ALDH18A1: variants seen among roughly 807,000 people sequenced by gnomAD.
ALDH18A1 encodes delta-1-pyrroline-5-carboxylate synthase.
A neutral mutation model predicts 88.8 loss-of-function variants in ALDH18A1; 44 were observed. The observed-to-expected ratio is 0.50, with a 90% CI of 0.39 to 0.64. The LOEUF is 0.64. Among genes scored for constraint, ALDH18A1 ranks in the 30% least tolerant of loss-of-function variants. The pLI, the probability that ALDH18A1 is intolerant of heterozygous loss-of-function variation, is 0.00. For synonymous variants in ALDH18A1, 331 were observed against 372.1 expected (o/e 0.89, Z 1.27); for missense variants, 782 against 1,009.5 (o/e 0.77, Z 3.05).
intron 1 of ALDH18A1, among the ~76,000 whole-genome samples, chr10:95,654,840 C>T (rs1316870072): frequency 1.3e-5 from 2 of 151,962 alleles, no homozygotes; most frequent in African/African-American, 4.8e-5. Flanking sequence ...CAATTATTTA[C>T]ATGTGAATTC....
At chr10:95,655,232 C>T (rs1021778322) in intron 1 of ALDH18A1, among the ~76,000 whole-genome samples, 1 of 151,942 alleles carries the variant, frequency 6.6e-6, no homozygotes, top group Non-Finnish European at 1.5e-5. Context: ...TTTTCTAAGC[C>T]TCTGTTTCCT....
At chr10:95,617,196 G>A (rs542204134) in intron 12 of ALDH18A1, among the ~76,000 whole-genome samples, 1 of 152,230 alleles carries the variant, frequency 6.6e-6, no homozygotes, top group Non-Finnish European at 1.5e-5. Context: ...GCAGTCAGCC[G>A]AGATTGCACC....
At chr10:95,639,336 A>T (rs1258112007) in intron 3 of ALDH18A1, among the ~76,000 whole-genome samples, 1 of 151,974 alleles carries the variant, frequency 6.6e-6, no homozygotes, top group Non-Finnish European at 1.5e-5. Context: ...TCTCTAAAAT[A>T]AATAAAAAGA....
At chr10:95,639,976 G>C (rs1033678592) in intron 3 of ALDH18A1, among the ~76,000 whole-genome samples, 2 of 152,020 alleles carry the variant, frequency 1.3e-5, no homozygotes, top group African/African-American at 2.4e-5. Context: ...TGTTCATCAA[G>C]GGGATACATA....
Position 95,626,705 on chromosome 10 carries a change from G to C in ALDH18A1, c.1150C>G (p.Gln384Glu), listed in dbSNP as rs2097860884. The change falls in exon 10 of 18, where the codon CAG becomes GAG. Residue 384 changes from glutamine (Q) to glutamate (E), a missense_variant and splice_region_variant. This residue lies in a region of ALDH18A1 where 556 missense variants were observed against 654.5 expected (regional missense o/e 0.85). Coordinates refer to ENST00000371224, the MANE Select transcript of ALDH18A1 (RefSeq NM_002860.4). ...GRMLATLEPE[Q>E]RAEIIHHLAD... ...ATATTATCACCTAAGGTTATTACCT[G>C]CTCAGGTTCCAAGGTGGCCAACATC... The C allele has an allele frequency of 5.6e-6, 9 of 1,613,858 alleles. No individual in the cohort carries two copies. The highest frequency in any genetic ancestry group is 4.0e-5 in the African/African-American group (3 of 75,008).
chr10:95,636,183 C>T (rs1252001577), intron 5 of ALDH18A1, among the ~76,000 whole-genome samples: 3 of 152,176 alleles, frequency 2.0e-5, no homozygotes, highest in South Asian at 4.2e-4. Context: ...AGAAGCAAAA[C>T]CTGAAACAAT....
chr10:95,622,854 A>C (rs1163763416), intron 11 of ALDH18A1, among the ~76,000 whole-genome samples: 2 of 152,156 alleles, frequency 1.3e-5, no homozygotes, highest in African/African-American at 2.4e-5. Context: ...TTTTTAAAAA[A>C]CAGTAGTATG....
intron 11 of ALDH18A1, among the ~76,000 whole-genome samples, chr10:95,622,094 T>C (rs1480157101): frequency 1.3e-5 from 2 of 152,212 alleles, no homozygotes; most frequent in Non-Finnish European, 2.9e-5. Flanking sequence ...TTTTTTATAA[T>C]GAGTGAATTA....
Position 95,616,595 on chromosome 10 carries a change from G to A in ALDH18A1, c.1487C>T (p.Ala496Val). The A allele has an allele frequency of 6.2e-7, 1 of 1,607,236 alleles. No homozygotes were observed. The highest frequency in any genetic ancestry group is 8.5e-7 in the Non-Finnish European group (1 of 1,177,016). ...TTTGAGTAACAAGCCATTGCCACTT[G>A]CGATAGCCAAAGCTGCCACCTGCAG... ...CLPQVAALAI[A>V]SGNGLLLKGG... is the part of the protein sequence containing the mutation. Residue 496 changes from alanine to valine, a missense_variant, in exon 13 of 18, where the codon GCA becomes GTA. Ala to Val is a moderately conservative substitution (Grantham distance 64). This residue lies in a region of ALDH18A1 where 556 missense variants were observed against 654.5 expected (regional missense o/e 0.85). Transcript: ENST00000371224.
chr10:95,611,560 A>G lies in ALDH18A1; in HGVS notation c.1924-118T>C, dbSNP rs11188399. On this transcript the variant is annotated intron_variant, in intron 15 of 17. Transcript: ENST00000371224. Reference sequence around the variant, plus strand: ...AGCCCAAAGTGGCTCCTGTAGCCTCAACAACTGAACTAGTCCTACTTTCCT... The same window carrying G: ...AGCCCAAAGTGGCTCCTGTAGCCTCGACAACTGAACTAGTCCTACTTTCCT... 0.45 allele frequency: 517,814 copies of G among 1,146,766 alleles called. 122,857 individuals carry two copies. The highest frequency in any genetic ancestry group is 0.52 in the Admixed American group (29,486 of 56,338). 71.0% of individuals were successfully genotyped at this position (1,146,766 alleles called of 1,614,324 possible).
chr10:95,606,663 C>T lies in ALDH18A1; in HGVS notation c.*99G>A. 6.2e-7 allele frequency: 1 copy of T among 1,610,432 alleles called. No individual in the cohort carries two copies. The highest frequency in any genetic ancestry group is 8.5e-7 in the Non-Finnish European group (1 of 1,179,572). On this transcript the variant is annotated 3_prime_UTR_variant, in exon 18 of 18. Coordinates refer to ENST00000371224, the MANE Select transcript of ALDH18A1 (RefSeq NM_002860.4). The stretch of plus-strand genomic sequence containing the variant: ...CAGGTACACTTTCCAACAGGCAGAC[C>T]CTACCAGGAACTGGGAGACAAGAGC...
At position 95,642,952 on chromosome 10, in the gene ALDH18A1, C is replaced by T. The variant is rs952000862; in HGVS notation, c.303+40G>A. On this transcript the variant is annotated intron_variant, in intron 3 of 17. Transcript: ENST00000371224. Reference sequence around the variant, plus strand: ...CTAATCTGAACTAGCGACTTAAAAACCCAATTTTAGTACAGCATAATTTCT... The same window carrying T: ...CTAATCTGAACTAGCGACTTAAAAATCCAATTTTAGTACAGCATAATTTCT... 4 of 1,607,014 alleles carry T rather than the reference C, an allele frequency of 2.5e-6. No homozygotes were observed. In the African/African-American group the frequency reaches 5.3e-5, roughly 21 times the overall value.
intron 15 of ALDH18A1, among the ~76,000 whole-genome samples, chr10:95,612,143 A>G (rs1376501224): frequency 1.3e-5 from 2 of 152,160 alleles, no homozygotes; most frequent in Non-Finnish European, 2.9e-5. Context: ...CCACATATAC[A>G]TTGCTACTCC....
At chr10:95,633,386 CA>C in intron 6 of ALDH18A1, 104 bp downstream of exon 6, 1 of 1,445,174 alleles carries the variant, frequency 6.9e-7, no homozygotes, top group African/African-American at 1.4e-5. Context: ...GTTTCTCTCA[CA>C]ACTTTTCCAT....
At chr10:95,630,344 T>C (rs1201202828) in intron 7 of ALDH18A1, among the ~76,000 whole-genome samples, 1 of 152,212 alleles carries the variant, frequency 6.6e-6, no homozygotes, top group African/African-American at 2.4e-5. Context: ...CTTTGTAGGG[T>C]TGCTATAAAG....
intron 2 of ALDH18A1, among the ~76,000 whole-genome samples, chr10:95,644,771 T>G (rs1004496453): frequency 1.3e-5 from 2 of 152,212 alleles, no homozygotes; most frequent in Non-Finnish European, 2.9e-5. Flanking sequence ...TCTAGGAACT[T>G]AAAAGAGACA....
intron 3 of ALDH18A1, among the ~76,000 whole-genome samples, chr10:95,640,724 A>G (rs1566036028): frequency 6.6e-6 from 1 of 152,190 alleles, no homozygotes; most frequent in Non-Finnish European, 1.5e-5. Flanking sequence ...TCCATCTGAC[A>G]TGATAAGATG....
chr10:95,621,375 A>G (rs889101297), intron 11 of ALDH18A1, 124 bp from the exon 12 acceptor site: 116 of 886,544 alleles, frequency 1.3e-4, no homozygotes, highest in Non-Finnish European at 1.8e-4. Context: ...GCTGGAGTGC[A>G]GTGGCATGAT....
intron 2 of ALDH18A1, among the ~76,000 whole-genome samples, chr10:95,651,122 G>A (rs2097909750): frequency 6.6e-6 from 1 of 151,762 alleles, no homozygotes; most frequent in South Asian, 2.1e-4. Flanking sequence ...GACAGGGCAA[G>A]ACTCCATCTC....
Sources: allele counts gnomAD v4.1 joint callset (sites outside exome capture counted in the v4.1 genomes callset), GRCh38; gene constraint gnomAD v4.1.1; regional missense constraint gnomAD v4.1.1; transcripts MANE v1.5; gene names NCBI Gene and HGNC (gene_info 2026-07-23, HGNC 2026-07-21).